PACSIN2: variants seen among roughly 807,000 people sequenced by gnomAD.
The protein encoded by PACSIN2 is protein kinase C and casein kinase substrate in neurons 2, also known as protein kinase C and casein kinase substrate in neurons protein 2.
Under a neutral mutation model 63.8 loss-of-function variants are expected in PACSIN2, and 25 were observed. The observed-to-expected ratio is 0.39, with a 90% confidence interval of 0.29 to 0.55. PACSIN2 has a LOEUF of 0.55. PACSIN2 is among the 20% of genes least tolerant of loss of function. The pLI is 0.62. For synonymous variants in PACSIN2, 255 were observed against 256.2 expected (o/e 1.00, Z 0.05); for missense variants, 518 against 646.9 (o/e 0.80, Z 2.16).
At chr22:42,992,247 C>T (rs1232795018) in intron 1 of PACSIN2, among the ~76,000 whole-genome samples, 1 of 152,128 alleles carries the variant, frequency 6.6e-6, no homozygotes. Context: ...ACCAGAATGG[C>T]AAAAATTAAA....
At chr22:42,889,513 C>A (rs544961339) in intron 4 of PACSIN2, among the ~76,000 whole-genome samples, 49 of 152,014 alleles carry the variant, frequency 3.2e-4, no homozygotes, top group Middle Eastern at 3.4e-3. Context: ...ATGAATGGGG[C>A]CAGGGACAAA....
At chr22:42,961,317 G>A (rs1248756621) in intron 1 of PACSIN2, among the ~76,000 whole-genome samples, 1 of 152,174 alleles carries the variant, frequency 6.6e-6, no homozygotes, top group Non-Finnish European at 1.5e-5. Context: ...CACTGCGGAA[G>A]GCCGCAGGGT....
chr22:42,910,469 C>T (rs1569257692), intron 2 of PACSIN2, among the ~76,000 whole-genome samples: 1 of 152,158 alleles, frequency 6.6e-6, no homozygotes, highest in Non-Finnish European at 1.5e-5. Context: ...GGCCAGCCAG[C>T]GGGACCTGAT....
Position 42,912,096 on chromosome 22 carries a change from G to A in PACSIN2, c.-16C>T. ...TGACAGACATTTTTTCAAAGGCTGA[G>A]GGAGCAGCAAAGTATACTTAGTCAG... On this transcript the variant is annotated 5_prime_UTR_variant, in exon 2 of 11. Transcript: ENST00000263246. 1 of 1,588,114 alleles carries A rather than the reference G, an allele frequency of 6.3e-7. No individual in the cohort carries two copies. The highest frequency in any genetic ancestry group is 8.6e-7 in the Non-Finnish European group (1 of 1,168,630).
At position 42,871,088 on chromosome 22, in the gene PACSIN2, A is replaced by G. The variant is rs1928072596; in HGVS notation, c.*269T>C. On this transcript the variant is annotated 3_prime_UTR_variant, in exon 11 of 11. Transcript: ENST00000263246. The surrounding 1 kb of genome is among the most constrained non-coding windows in gnomAD (Gnocchi z 5.4). ...GAGAGACAAAGTCAAGAACATAGAG[A>G]TCTATGATAGGCCAACAGGCACAGT... 2 of 508,112 alleles carry G rather than the reference A, an allele frequency of 3.9e-6. No homozygotes were observed. The highest frequency in any genetic ancestry group is 3.6e-6 in the Non-Finnish European group (1 of 279,340). 31.5% of individuals were successfully genotyped at this position (508,112 alleles called of 1,614,324 possible).
At chr22:42,947,180 T>A (rs1933460465) in intron 1 of PACSIN2, 1 of 152,400 alleles carries the variant, frequency 6.6e-6, no homozygotes, top group African/African-American at 2.4e-5. Flanking sequence ...GTCAGGAGGC[T>A]GCCCTTTGTT....
At chr22:42,988,741 T>C (rs1166160547) in intron 1 of PACSIN2, among the ~76,000 whole-genome samples, 1 of 152,268 alleles carries the variant, frequency 6.6e-6, no homozygotes, top group Non-Finnish European at 1.5e-5. Flanking sequence ...CTAATTCATG[T>C]TGGCCCCAGC....
intron 2 of PACSIN2, among the ~76,000 whole-genome samples, chr22:42,895,512 T>G (rs1930216208): frequency 6.6e-6 from 1 of 152,220 alleles, no homozygotes. Flanking sequence ...TCTCTGTGAT[T>G]TTCAGAACCA....
intron 4 of PACSIN2, among the ~76,000 whole-genome samples, chr22:42,890,631 C>G (rs141018959): frequency 1.3e-5 from 2 of 152,202 alleles, no homozygotes; most frequent in African/African-American, 4.8e-5. Flanking sequence ...GGCAGAATTG[C>G]TTGAACCCAG....
chr22:42,948,263 A>T (rs558191845), intron 1 of PACSIN2, among the ~76,000 whole-genome samples: 167 of 152,336 alleles, frequency 1.1e-3, no homozygotes, highest in Non-Finnish European at 2.0e-3. Context: ...ATCAGACACC[A>T]GCTCAAGTCA....
chr22:42,887,115 G>A (rs1298289341), intron 5 of PACSIN2, among the ~76,000 whole-genome samples: 1 of 152,182 alleles, frequency 6.6e-6, no homozygotes, highest in East Asian at 1.9e-4. Flanking sequence ...CTCCCACTCA[G>A]TAGTTGGTTC....
At chr22:42,905,571 G>A (rs911007379) in intron 2 of PACSIN2, among the ~76,000 whole-genome samples, 6 of 152,212 alleles carry the variant, frequency 3.9e-5, no homozygotes, top group Non-Finnish European at 8.8e-5. Context: ...CTGCGACGGT[G>A]CACCCCAAAT....
intron 1 of PACSIN2, among the ~76,000 whole-genome samples, chr22:42,927,496 A>G (rs1932612743): frequency 1.3e-5 from 2 of 151,948 alleles, no homozygotes; most frequent in African/African-American, 4.8e-5. Context: ...TGATCCACCC[A>G]TCTTGGCCTC....
intron 1 of PACSIN2, among the ~76,000 whole-genome samples, chr22:42,965,954 A>T (rs981285668): frequency 6.6e-6 from 1 of 151,920 alleles, no homozygotes; most frequent in Non-Finnish European, 1.5e-5. Context: ...ATCATAAATA[A>T]ATTATGTGAA....
At chr22:42,979,421 G>A (rs1375372090) in intron 1 of PACSIN2, among the ~76,000 whole-genome samples, 1 of 150,206 alleles carries the variant, frequency 6.7e-6, no homozygotes, top group Non-Finnish European at 1.5e-5. Context: ...CTACTCCAAA[G>A]GCTGAGGCAT....
intron 1 of PACSIN2, among the ~76,000 whole-genome samples, chr22:42,940,108 C>A (rs1008641221): frequency 1.3e-5 from 2 of 152,190 alleles, no homozygotes; most frequent in Non-Finnish European, 2.9e-5. Flanking sequence ...AGGAGCGGGA[C>A]AATGCTTGCT....
intron 1 of PACSIN2, among the ~76,000 whole-genome samples, chr22:42,954,217 C>T (rs1414986292): frequency 6.6e-6 from 1 of 152,192 alleles, no homozygotes; most frequent in Admixed American, 6.5e-5. Flanking sequence ...GAGCCGAGAT[C>T]ATGCCACTGC....
chr22:42,931,174 G>A (rs952735922), intron 1 of PACSIN2, among the ~76,000 whole-genome samples: 3 of 152,196 alleles, frequency 2.0e-5, no homozygotes, highest in Admixed American at 6.5e-5. Flanking sequence ...TGTATCCCAC[G>A]GCTGGGCACA....
intron 7 of PACSIN2, among the ~76,000 whole-genome samples, chr22:42,880,297 C>A (rs2146641653): frequency 6.6e-6 from 1 of 152,336 alleles, no homozygotes; most frequent in South Asian, 2.1e-4. Flanking sequence ...TTGGGCCCGA[C>A]CCCAAATCTG....
Sources: gnomAD v4.1 joint callset for allele counts (sites outside exome capture counted in the v4.1 genomes callset) on GRCh38, gnomAD v4.1.1 for gene constraint, Gnocchi (gnomAD v3.1) non-coding constraint, MANE v1.5 for transcripts, NCBI Gene and HGNC (gene_info 2026-07-23, HGNC 2026-07-21) for gene names.